Variants in ANKIB1 observed in about 807,000 individuals in gnomAD.
ANKIB1 encodes the protein ankyrin repeat and IBR domain-containing protein 1.
A neutral mutation model predicts 122.1 loss-of-function variants in ANKIB1; 43 were observed. The observed-to-expected ratio is 0.35, with a 90% CI of 0.28 to 0.45. The LOEUF (loss-of-function observed/expected upper bound fraction) is 0.45, where lower values mean the gene tolerates loss of function less well. ANKIB1 is among the 20% of genes least tolerant of loss of function. The pLI, the probability that ANKIB1 is intolerant of heterozygous loss-of-function variation, is 1.00. For missense variants in ANKIB1, 992 were observed against 1,329.5 expected, an observed-to-expected ratio of 0.75 and a Z score of 3.95; for synonymous variants, 390 against 442.0, an observed-to-expected ratio of 0.88 and a Z score of 1.48.
At chr7:92,310,112 G>T (rs553118748) in intron 3 of ANKIB1, among the ~76,000 whole-genome samples, 206 of 151,416 alleles carry the variant, frequency 1.4e-3, no homozygotes, top group Middle Eastern at 3.4e-3. Flanking sequence ...TTTTTGCTCA[G>T]TGAAAGAAAT....
chr7:92,330,888 T>C, intron 5 of ANKIB1, among the ~76,000 whole-genome samples: 1 of 152,092 alleles, frequency 6.6e-6, no homozygotes, highest in East Asian at 1.9e-4. Context: ...TTTTAGCCCA[T>C]AATAATGCTT....
intron 1 of ANKIB1, among the ~76,000 whole-genome samples, chr7:92,264,518 C>T (rs185785149): frequency 6.6e-6 from 1 of 152,190 alleles, no homozygotes; most frequent in East Asian, 1.9e-4. Context: ...GTGCCTCAGC[C>T]TCCTGAGTAG....
At position 92,260,699 on chromosome 7, in the gene ANKIB1, T is replaced by C. The variant is rs114085029; in HGVS notation, c.-91+14180T>C. Among the ~76,000 whole-genome samples, 303 of 149,394 alleles carry C rather than the reference T, an allele frequency of 2.0e-3. 1 individual carries two copies. The highest frequency in any genetic ancestry group is 7.2e-3 in the African/African-American group (293 of 40,726). On this transcript the variant is annotated intron_variant, in intron 1 of 19. Transcript: ENST00000265742. Reference sequence around the variant, plus strand: ...CCCTGTCTCAAAAAAAAAAAAAAAGTCATTTTGGTAAGGCTTTTGCTGGCT... The same window carrying C: ...CCCTGTCTCAAAAAAAAAAAAAAAGCCATTTTGGTAAGGCTTTTGCTGGCT...
intron 18 of ANKIB1, 107 bp from the exon 19 acceptor site, chr7:92,397,616 C>T (rs1804927758): frequency 3.2e-6 from 4 of 1,252,810 alleles, no homozygotes; most frequent in Non-Finnish European, 4.5e-6. Context: ...CAGGTTTTCC[C>T]CAGCACTGAA....
At chr7:92,388,373 A>T (rs527548125) in intron 14 of ANKIB1, among the ~76,000 whole-genome samples, 9 of 152,364 alleles carry the variant, frequency 5.9e-5, no homozygotes, top group Non-Finnish European at 1.0e-4. Context: ...ACTTAGTCAG[A>T]GGAGCAAGAT....
At chr7:92,309,942 A>AAAAAAAAAAAAAAAAAATATATATAT in intron 3 of ANKIB1, among the ~76,000 whole-genome samples, 1 of 91,818 alleles carries the variant, frequency 1.1e-5, no homozygotes, top group Non-Finnish European at 2.0e-5. Context: ...AAAAAAAAAA[A>AAAAAAAAAAAAAAAAAATATATATAT]ATATATATAT....
At position 92,398,074 on chromosome 7, in the gene ANKIB1, G is replaced by T. The variant is rs1021984439; in HGVS notation, c.2533-138G>T. 45 of 1,084,974 alleles carry T rather than the reference G, an allele frequency of 4.1e-5. No homozygotes were observed. The African/African-American group carries it at 7.3e-4, about 18-fold the overall frequency. 67.2% of individuals were successfully genotyped at this position (1,084,974 alleles called of 1,614,324 possible). A position where few individuals can be genotyped will look rare whatever the true frequency, so the allele number is the denominator to read the frequency against. On this transcript the variant is annotated intron_variant, in intron 19 of 19. Coordinates refer to ENST00000265742, the MANE Select transcript of ANKIB1 (RefSeq NM_019004.2). ...AGCATGGGCATGGAGAAAAATACAA[G>T]ATTTTAGTAGATAAAATAATTTTTC...
intron 1 of ANKIB1, among the ~76,000 whole-genome samples, chr7:92,271,037 G>A (rs1347792006): frequency 6.6e-6 from 1 of 151,746 alleles, no homozygotes; most frequent in Non-Finnish European, 1.5e-5. Context: ...CCTAATCCCA[G>A]GTCATGAAAA....
Position 92,327,964 on chromosome 7 carries a change from A to G in ANKIB1, c.787+64A>G, listed in dbSNP as rs376513305. The G allele has an allele frequency of 1.9e-4, 204 of 1,073,218 alleles. No individual in the cohort carries two copies. In the African/African-American group the frequency reaches 3.1e-3, roughly 16 times the overall value. 66.5% of individuals were successfully genotyped at this position (1,073,218 alleles called of 1,614,324 possible). On this transcript the variant is annotated intron_variant, in intron 5 of 19. Transcript: ENST00000265742. The stretch of plus-strand genomic sequence containing the variant: ...TAACTTTTGAAACTTCTGAGTTTTT[A>G]AAAGGGCTATTTTTGTATTTGAATA...
At chr7:92,336,430 G>T (rs1164403622) in intron 5 of ANKIB1, among the ~76,000 whole-genome samples, 1 of 151,830 alleles carries the variant, frequency 6.6e-6, no homozygotes, top group African/African-American at 2.4e-5. Context: ...TAAATCCATG[G>T]TGATTACTAA....
In ANKIB1 at chr7:92,307,675, T is replaced by A. The variant is rs778402709; in HGVS notation, c.486+19T>A. The A allele has an allele frequency of 1.7e-5, 25 of 1,455,216 alleles. No homozygotes were observed. Among genetic ancestry groups the A allele is most frequent in the Admixed American group, 8.4e-5 (3 of 35,790 alleles). The allele number at this position is 1,455,216 out of a possible 1,614,324, so 90.1% of individuals were successfully genotyped here. A position where few individuals can be genotyped will look rare whatever the true frequency, so the allele number is the denominator to read the frequency against. On this transcript the variant is annotated intron_variant, in intron 3 of 19. Transcript: ENST00000265742. ...TGTAGAGGTAAATTTTTTTTTTTTT[T>A]AATATTCTGCATTGTAAAATTTGTA...
At chr7:92,248,992 A>G (rs545572317) in intron 1 of ANKIB1, among the ~76,000 whole-genome samples, 2 of 147,532 alleles carry the variant, frequency 1.4e-5, no homozygotes, top group East Asian at 4.0e-4. Flanking sequence ...GGGTCAAACG[A>G]TTCTCCTGCG....
rs1804991047 is a variant in ANKIB1, at chr7:92,400,392, ATAT to A, written c.*1447_*1449del. ...CTGTTGGAATGGCTGTTTTACTTAA[ATAT>A]TATCAAAACTAGCATAACATAAGCA... On this transcript the variant is annotated 3_prime_UTR_variant, in exon 20 of 20. Coordinates refer to ENST00000265742, the MANE Select transcript of ANKIB1 (RefSeq NM_019004.2). 1 of 152,196 alleles carries A rather than the reference ATAT, an allele frequency of 6.6e-6. No homozygotes were observed. The highest frequency in any genetic ancestry group is 2.4e-5 in the African/African-American group (1 of 41,448). 9.4% of individuals were successfully genotyped at this position (152,196 alleles called of 1,614,324 possible).
intron 1 of ANKIB1, among the ~76,000 whole-genome samples, chr7:92,260,917 T>TCCTTCTTAA (rs1801548510): frequency 6.6e-6 from 1 of 152,166 alleles, no homozygotes; most frequent in African/African-American, 2.4e-5. Flanking sequence ...AGAAGAGTAT[T>TCCTTCTTAA]CCTTTCCTCT....
chr7:92,390,758 A>G (rs1418878466), intron 15 of ANKIB1, among the ~76,000 whole-genome samples: 2 of 152,144 alleles, frequency 1.3e-5, no homozygotes, highest in Non-Finnish European at 2.9e-5. Context: ...CCTTAATTCA[A>G]ATTCCTTCAG....
At chr7:92,355,725 T>A (rs1453960922) in intron 9 of ANKIB1, among the ~76,000 whole-genome samples, 1 of 151,862 alleles carries the variant, frequency 6.6e-6, no homozygotes, top group Non-Finnish European at 1.5e-5. Flanking sequence ...GGCATGCTCC[T>A]GTAGTTCCAG....
At chr7:92,265,186 C>A (rs1313912900) in intron 1 of ANKIB1, among the ~76,000 whole-genome samples, 1 of 151,948 alleles carries the variant, frequency 6.6e-6, no homozygotes, top group African/African-American at 2.4e-5. Flanking sequence ...GCTGTGTTAC[C>A]CAGGCTGGTC....
intron 4 of ANKIB1, among the ~76,000 whole-genome samples, chr7:92,327,041 T>C (rs1179266644): frequency 6.6e-6 from 1 of 152,182 alleles, no homozygotes; most frequent in East Asian, 1.9e-4. Context: ...TCATACCCAG[T>C]TGATTTGCAG....
At chr7:92,320,128 C>G (rs1183389200) in intron 4 of ANKIB1, among the ~76,000 whole-genome samples, 1 of 152,096 alleles carries the variant, frequency 6.6e-6, no homozygotes, top group Non-Finnish European at 1.5e-5. Context: ...TTGATCATAT[C>G]AACAAACATG....
Sources: allele counts gnomAD v4.1 joint callset (sites outside exome capture counted in the v4.1 genomes callset), GRCh38; gene constraint gnomAD v4.1.1; transcripts MANE v1.5; gene names NCBI Gene and HGNC (gene_info 2026-07-23, HGNC 2026-07-21).